PIBF1: variants seen among roughly 807,000 people sequenced by gnomAD.
The protein encoded by PIBF1 is progesterone-induced-blocking factor 1.
A neutral mutation model predicts 112.5 loss-of-function variants in PIBF1; 90 were observed. The observed-to-expected ratio is 0.80, with a 90% CI of 0.67 to 0.95. The LOEUF (loss-of-function observed/expected upper bound fraction) is 0.95, where lower values mean the gene tolerates loss of function less well. Ranked by LOEUF, PIBF1 falls within the 40% of genes least tolerant of loss-of-function variation. The pLI is 0.00. For missense variants in PIBF1, 915 were observed against 852.3 expected, an observed-to-expected ratio of 1.07 and a Z score of -0.92; for synonymous variants, 301 against 288.6, an observed-to-expected ratio of 1.04 and a Z score of -0.44.
In PIBF1 at chr13:72,782,183, G is replaced by C. The variant is rs553252207; in HGVS notation, c.-214G>C. The C allele has an allele frequency of 4.3e-4, 104 of 244,664 alleles. No individual in the cohort carries two copies. Among genetic ancestry groups the C allele is most frequent in the African/African-American group, 2.3e-3 (102 of 45,154 alleles). The allele number at this position is 244,664 out of a possible 1,614,324, so 15.2% of individuals were successfully genotyped here. On this transcript the variant is annotated 5_prime_UTR_variant, in exon 1 of 18. Coordinates refer to ENST00000326291, the MANE Select transcript of PIBF1 (RefSeq NM_006346.4). ...GAGTGCTGGTTCTGTCCTCCTTGCGGGTGCGGAGATGGTTGTCTTGGTTAC... is the reference window on the plus strand; with the variant it reads ...GAGTGCTGGTTCTGTCCTCCTTGCGCGTGCGGAGATGGTTGTCTTGGTTAC...
chr13:72,994,392 G>C (rs1162319342), intron 16 of PIBF1, among the ~76,000 whole-genome samples: 1 of 152,164 alleles, frequency 6.6e-6, no homozygotes, highest in Non-Finnish European at 1.5e-5. Context: ...ATATTTGTTG[G>C]AAAGTTGAAG....
At chr13:72,923,133 C>T (rs989930592) in intron 13 of PIBF1, among the ~76,000 whole-genome samples, 2 of 152,138 alleles carry the variant, frequency 1.3e-5, no homozygotes, top group African/African-American at 2.4e-5. Context: ...TTGCTCATTT[C>T]GAGTTTTGGT....
intron 10 of PIBF1, 27 bp from the exon 11 acceptor site, chr13:72,893,757 G>C: frequency 7.1e-7 from 1 of 1,417,618 alleles, no homozygotes. Context: ...TTTCTTTAGA[G>C]TGTCATAACC....
intron 10 of PIBF1, among the ~76,000 whole-genome samples, chr13:72,878,877 A>T (rs1271144469): frequency 6.6e-6 from 1 of 152,156 alleles, no homozygotes; most frequent in Non-Finnish European, 1.5e-5. Flanking sequence ...TTTATCCTTG[A>T]TAACTTTTCT....
At chr13:72,844,780 C>G (rs1394731660) in intron 9 of PIBF1, among the ~76,000 whole-genome samples, 1 of 121,430 alleles carries the variant, frequency 8.2e-6, no homozygotes, top group African/African-American at 3.0e-5. Flanking sequence ...CACACACACA[C>G]ACACACACAC....
intron 5 of PIBF1, among the ~76,000 whole-genome samples, chr13:72,803,591 T>G (rs896333247): frequency 3.3e-5 from 5 of 152,224 alleles, no homozygotes; most frequent in African/African-American, 1.2e-4. Flanking sequence ...TTTCTTAATA[T>G]CTAAATAGTG....
chr13:72,993,145 C>A (rs1454949419), intron 16 of PIBF1, among the ~76,000 whole-genome samples: 1 of 151,986 alleles, frequency 6.6e-6, no homozygotes, highest in Non-Finnish European at 1.5e-5. Context: ...CATGGCGAAA[C>A]CCCATTTATA....
At chr13:72,824,927 C>G (rs2036731630) in intron 6 of PIBF1, among the ~76,000 whole-genome samples, 1 of 152,164 alleles carries the variant, frequency 6.6e-6, no homozygotes, top group Admixed American at 6.5e-5. Flanking sequence ...AGAATCATTT[C>G]TGTAGTATTC....
chr13:72,838,859 G>T (rs1019786659), intron 9 of PIBF1, among the ~76,000 whole-genome samples: 2 of 152,164 alleles, frequency 1.3e-5, no homozygotes, highest in African/African-American at 4.8e-5. Context: ...TTGGGGGAAT[G>T]AATATATAGC....
In PIBF1 at chr13:72,877,921, G is replaced by A. The variant is rs143156316; in HGVS notation, c.1323-15863G>A. 5.3e-3 allele frequency among the ~76,000 whole-genome samples: 808 copies of A among 151,800 alleles called. 15 individuals carry two copies. Among genetic ancestry groups the A allele is most frequent in the African/African-American group, 0.018 (757 of 41,418 alleles). ...TGCACCACCACGCCTGGTTAATTTT[G>A]TATTTTTAGTAGAGATGGGGTTTCT... is the stretch of plus-strand genomic sequence containing the variant. On this transcript the variant is annotated intron_variant, in intron 10 of 17. Transcript: ENST00000326291.
intron 15 of PIBF1, among the ~76,000 whole-genome samples, chr13:72,973,095 C>T (rs553298269): frequency 1.6e-4 from 25 of 152,222 alleles, no homozygotes; most frequent in Non-Finnish European, 2.4e-4. Context: ...ATCTCAGTTA[C>T]GTTGTCAAAT....
At chr13:72,899,589 C>G (rs906292463) in intron 11 of PIBF1, among the ~76,000 whole-genome samples, 1 of 151,994 alleles carries the variant, frequency 6.6e-6, no homozygotes, top group Non-Finnish European at 1.5e-5. Context: ...AAACCCTCAG[C>G]AAAATCGGCA....
chr13:72,917,368 A>C (rs1477934330), intron 13 of PIBF1, among the ~76,000 whole-genome samples: 4 of 152,154 alleles, frequency 2.6e-5, no homozygotes, highest in African/African-American at 9.7e-5. Context: ...AGAAGTGTGC[A>C]TAAGAATTTA....
chr13:72,907,748 A>T lies in PIBF1; in HGVS notation c.1489-783A>T, dbSNP rs189872162. ...TGTATTAGAAAGCAGGTGTAATACC[A>T]CTCCATAATTTAGTCTGTAAAAATA... is the stretch of plus-strand genomic sequence containing the variant. On this transcript the variant is annotated intron_variant, in intron 11 of 17. Transcript: ENST00000326291. Among the ~76,000 whole-genome samples, 29 of 152,048 alleles carry T rather than the reference A, an allele frequency of 1.9e-4. 1 individual carries two copies. The highest frequency in any genetic ancestry group is 1.7e-3 in the Admixed American group (26 of 15,256).
chr13:72,904,251 AACTG>A (rs1172117169), intron 11 of PIBF1, among the ~76,000 whole-genome samples: 1 of 151,896 alleles, frequency 6.6e-6, no homozygotes, highest in Admixed American at 6.6e-5. Flanking sequence ...AATGCAAAGA[AACTG>A]AAAGTTATTC....
At chr13:72,996,418 C>T (rs1363597595) in intron 16 of PIBF1, among the ~76,000 whole-genome samples, 1 of 152,122 alleles carries the variant, frequency 6.6e-6, no homozygotes, top group Admixed American at 6.6e-5. Flanking sequence ...CTAGATTAGG[C>T]AGCCTAAGTT....
chr13:72,839,976 G>A (rs1337848335), intron 9 of PIBF1, among the ~76,000 whole-genome samples: 2 of 152,152 alleles, frequency 1.3e-5, no homozygotes, highest in African/African-American at 2.4e-5. Context: ...GCCCCAGCCA[G>A]CCACAGGGCT....
chr13:72,789,381 C>T (rs191214429), intron 2 of PIBF1, among the ~76,000 whole-genome samples: 3 of 152,138 alleles, frequency 2.0e-5, no homozygotes, highest in Admixed American at 6.6e-5. Flanking sequence ...GAAACAGGGT[C>T]TCACTATGTT....
At chr13:72,840,901 T>C (rs2037582140) in intron 9 of PIBF1, among the ~76,000 whole-genome samples, 1 of 152,194 alleles carries the variant, frequency 6.6e-6, no homozygotes, top group Non-Finnish European at 1.5e-5. Context: ...TGTCTATACA[T>C]TGGAGGATAT....
Sources: gnomAD v4.1 joint callset for allele counts (sites outside exome capture counted in the v4.1 genomes callset) on GRCh38, gnomAD v4.1.1 for gene constraint, MANE v1.5 for transcripts, NCBI Gene and HGNC (gene_info 2026-07-23, HGNC 2026-07-21) for gene names.